The following DIP2C variants were observed in gnomAD, a reference collection of about 807,000 sequenced individuals.
DIP2C encodes the protein DIP2 acetate--CoA ligase C (putative).
Under a neutral mutation model 192.4 loss-of-function variants are expected in DIP2C, and 33 were observed. The ratio of observed to expected loss-of-function variants is 0.17; its 90% CI spans 0.13 to 0.23. The LOEUF is 0.23. Among genes scored for constraint, DIP2C ranks in the 10% least tolerant of loss-of-function variants. The pLI, the probability that DIP2C is intolerant of heterozygous loss-of-function variation, is 1.00. For synonymous variants in DIP2C, 979 were observed against 864.1 expected (o/e 1.13, Z -2.33); for missense variants, 1,537 against 2,110.1 (o/e 0.73, Z 5.32).
chr10:353,799 G>A (rs912943307), intron 24 of DIP2C, among the ~76,000 whole-genome samples: 3 of 152,154 alleles, frequency 2.0e-5, no homozygotes, highest in South Asian at 2.1e-4. Context: ...CGTGCTGAAC[G>A]GACACTTATG....
At chr10:344,713 C>G (rs1167096258) in intron 28 of DIP2C, 96 bp downstream of exon 28, 5 of 1,003,730 alleles carry the variant, frequency 5.0e-6, no homozygotes, top group Non-Finnish European at 7.6e-6. Context: ...CTCAGTCTGA[C>G]TACACGAGAG....
intron 1 of DIP2C, among the ~76,000 whole-genome samples, chr10:602,741 A>G (rs1852175557): frequency 6.6e-6 from 1 of 152,242 alleles, no homozygotes; most frequent in Non-Finnish European, 1.5e-5. Context: ...AGCCACCACC[A>G]TAAAGCAAGA....
chr10:283,061 G>C (rs528615674), intron 35 of DIP2C, among the ~76,000 whole-genome samples: 1 of 152,260 alleles, frequency 6.6e-6, no homozygotes, highest in Non-Finnish European at 1.5e-5. Flanking sequence ...GGACAGGACA[G>C]GGTATGTGAT....
At chr10:302,339 A>G (rs541156685) in intron 32 of DIP2C, among the ~76,000 whole-genome samples, 2 of 152,300 alleles carry the variant, frequency 1.3e-5, no homozygotes, top group African/African-American at 2.4e-5. Flanking sequence ...ACATGGCCAG[A>G]AAGTGATAGA....
At position 453,662 on chromosome 10, in the gene DIP2C, G is replaced by A. The variant is rs113973344; in HGVS notation, c.269-12666C>T. ...TTTGGGATCCTAAAGCAGCATTAACGTGTTATCAAAGCAAAGAGAAAAGAA... is the reference window on the plus strand; with the variant it reads ...TTTGGGATCCTAAAGCAGCATTAACATGTTATCAAAGCAAAGAGAAAAGAA... On this transcript the variant is annotated intron_variant, in intron 3 of 36. Transcript: ENST00000280886. Among the ~76,000 whole-genome samples, 148 of 152,298 alleles carry A rather than the reference G, an allele frequency of 9.7e-4. 3 individuals carry two copies. The highest frequency in any genetic ancestry group is 3.4e-3 in the African/African-American group (143 of 41,572).
chr10:377,843 A>C (rs1344085826), intron 17 of DIP2C, among the ~76,000 whole-genome samples: 1 of 152,194 alleles, frequency 6.6e-6, no homozygotes, highest in African/African-American at 2.4e-5. Context: ...CTTTTCTGGA[A>C]TTATTGTTTC....
intron 2 of DIP2C, among the ~76,000 whole-genome samples, chr10:477,634 G>A (rs1355476447): frequency 7.5e-6 from 1 of 133,636 alleles, no homozygotes; most frequent in East Asian, 2.4e-4. Flanking sequence ...GTGGATGGGT[G>A]GGAGGAAGAG....
At chr10:347,696 G>A (rs549838228) in intron 26 of DIP2C, among the ~76,000 whole-genome samples, 3 of 139,758 alleles carry the variant, frequency 2.1e-5, no homozygotes, top group Admixed American at 7.3e-5. Flanking sequence ...TAGCTCTCCC[G>A]GAAACCCCAC....
chr10:287,248 C>T (rs1282788586), intron 33 of DIP2C, among the ~76,000 whole-genome samples: 1 of 152,066 alleles, frequency 6.6e-6, no homozygotes, highest in Non-Finnish European at 1.5e-5. Flanking sequence ...TGGCTCTGGC[C>T]AGAATTTCCT....
At chr10:527,594 C>T (rs746565383) in intron 1 of DIP2C, among the ~76,000 whole-genome samples, 2 of 152,160 alleles carry the variant, frequency 1.3e-5, no homozygotes, top group Non-Finnish European at 2.9e-5. Context: ...TGTCAAATAA[C>T]CAGAGATGTA....
intron 1 of DIP2C, among the ~76,000 whole-genome samples, chr10:626,678 G>A (rs1180224695): frequency 6.6e-6 from 1 of 152,138 alleles, no homozygotes; most frequent in Non-Finnish European, 1.5e-5. Context: ...TGCCTGCATG[G>A]GGCCAGAAGG....
rs1309877127 is a variant in DIP2C, at chr10:666,113, T to C, written c.85+23381A>G. ...GGAACGAAGAGCAGCTGTGAGTTCG[T>C]GGGAAAGAAGGGCTATCTGGAATAA... On this transcript the variant is annotated intron_variant, in intron 1 of 36. Coordinates refer to ENST00000280886, the MANE Select transcript of DIP2C (RefSeq NM_014974.3). This position sits in a 1 kb window ranked among gnomAD's most constrained non-coding sequence, Gnocchi z 4.1. 6.6e-6 allele frequency: 1 copy of C among 152,112 alleles called. No individual in the cohort carries two copies. Among genetic ancestry groups the C allele is most frequent in the Admixed American group, 6.5e-5 (1 of 15,268 alleles). 9.4% of individuals were successfully genotyped at this position (152,112 alleles called of 1,614,324 possible).
chr10:551,167 C>A (rs1293038979), intron 1 of DIP2C, among the ~76,000 whole-genome samples: 2 of 152,242 alleles, frequency 1.3e-5, no homozygotes, highest in Non-Finnish European at 2.9e-5. Flanking sequence ...ACACCCACAG[C>A]CAGTCCCCTC....
chr10:502,634 T>C (rs1045726139), intron 1 of DIP2C, among the ~76,000 whole-genome samples: 1 of 152,136 alleles, frequency 6.6e-6, no homozygotes, highest in Non-Finnish European at 1.5e-5. Context: ...ATCCAATACC[T>C]GAGTTCAGCC....
chr10:456,562 C>A (rs924283715), intron 3 of DIP2C, among the ~76,000 whole-genome samples: 1 of 152,226 alleles, frequency 6.6e-6, no homozygotes, highest in African/African-American at 2.4e-5. Flanking sequence ...TTAAGATGCT[C>A]CTCCTGGTTA....
At chr10:474,197 T>C (rs1053590263) in intron 2 of DIP2C, among the ~76,000 whole-genome samples, 1 of 152,234 alleles carries the variant, frequency 6.6e-6, no homozygotes, top group Non-Finnish European at 1.5e-5. Flanking sequence ...CTTACATTCA[T>C]AAACATGGAC....
chr10:519,555 T>TC (rs1846567843), intron 1 of DIP2C, among the ~76,000 whole-genome samples: 1 of 151,440 alleles, frequency 6.6e-6, no homozygotes, highest in South Asian at 2.1e-4. Flanking sequence ...CAGGCCTGGG[T>TC]CCCCCCAGCT....
Position 584,398 on chromosome 10 carries a change from G to A in DIP2C, c.86-97868C>T, listed in dbSNP as rs554964877. ...AGCCCACGACCTGACACCCACTCAC[G>A]CGCATCACCTCTCAATCTCGGGGCC... On this transcript the variant is annotated intron_variant, in intron 1 of 36. Transcript: ENST00000280886. Among the ~76,000 whole-genome samples, 73 of 151,554 alleles carry A rather than the reference G, an allele frequency of 4.8e-4. No individual in the cohort carries two copies. The East Asian group carries it at 0.012, about 24-fold the overall frequency.
At chr10:676,702 C>A (rs1318529435) in intron 1 of DIP2C, among the ~76,000 whole-genome samples, 2 of 152,036 alleles carry the variant, frequency 1.3e-5, no homozygotes, top group Non-Finnish European at 2.9e-5. Context: ...CAGAAGAAAT[C>A]TAACCAAGAG....
Sources: gnomAD v4.1 joint callset for allele counts (sites outside exome capture counted in the v4.1 genomes callset) on GRCh38, gnomAD v4.1.1 for gene constraint, Gnocchi (gnomAD v3.1) non-coding constraint, MANE v1.5 for transcripts, NCBI Gene and HGNC (gene_info 2026-07-23, HGNC 2026-07-21) for gene names.